KIAA1328: variants seen among roughly 807,000 people sequenced by gnomAD.
The protein encoded by KIAA1328 is protein hinderin.
Under a neutral mutation model 68.1 loss-of-function variants are expected in KIAA1328, and 52 were observed. That is an observed-to-expected ratio of 0.76 (90% CI 0.61 to 0.96). KIAA1328 has a LOEUF of 0.96. Ranked by LOEUF, KIAA1328 falls within the 40% of genes least tolerant of loss-of-function variation. The pLI, the probability that KIAA1328 is intolerant of heterozygous loss-of-function variation, is 0.00. For synonymous variants in KIAA1328, 232 were observed against 239.4 expected (o/e 0.97, Z 0.28); for missense variants, 641 against 677.6 (o/e 0.95, Z 0.60).
chr18:37,016,186 A>T (rs167730), intron 6 of KIAA1328, among the ~76,000 whole-genome samples: 111,380 of 152,046 alleles, frequency 0.73, 43,943 homozygotes, highest in South Asian at 0.89. Flanking sequence ...ATGCCTAGTT[A>T]CTTTAGGGTT....
intron 9 of KIAA1328, among the ~76,000 whole-genome samples, chr18:37,208,022 T>C (rs2060248054): frequency 6.6e-6 from 1 of 152,136 alleles, no homozygotes; most frequent in African/African-American, 2.4e-5. Context: ...TTGGCCAGGC[T>C]GGTCTCGAAC....
At chr18:36,915,615 A>G (rs1197315132) in intron 5 of KIAA1328, among the ~76,000 whole-genome samples, 1 of 152,184 alleles carries the variant, frequency 6.6e-6, no homozygotes, top group Non-Finnish European at 1.5e-5. Flanking sequence ...TGAAAACTAC[A>G]ATGAGATAGT....
At chr18:36,895,657 G>A in intron 5 of KIAA1328, 1 of 431,926 alleles carries the variant, frequency 2.3e-6, no homozygotes, top group Non-Finnish European at 4.7e-6. Flanking sequence ...GTTTGCTTAT[G>A]TATTTATTTG....
intron 7 of KIAA1328, among the ~76,000 whole-genome samples, chr18:37,082,165 GA>G (rs2056969585): frequency 9.2e-6 from 1 of 108,142 alleles, no homozygotes; most frequent in Admixed American, 9.7e-5. Flanking sequence ...CTGCCCCAAG[GA>G]TTTTTTTTTT....
intron 9 of KIAA1328, among the ~76,000 whole-genome samples, chr18:37,197,113 T>C (rs1241559553): frequency 6.6e-6 from 1 of 152,084 alleles, no homozygotes; most frequent in Non-Finnish European, 1.5e-5. Context: ...TATATTTCTG[T>C]GGTGTCAGTT....
At chr18:36,964,672 A>G (rs1259376823) in intron 6 of KIAA1328, among the ~76,000 whole-genome samples, 1 of 152,048 alleles carries the variant, frequency 6.6e-6, no homozygotes, top group Non-Finnish European at 1.5e-5. Context: ...TTTATTCAGC[A>G]TTATAGGTTC....
chr18:37,038,443 T>C (rs970950627), intron 6 of KIAA1328, among the ~76,000 whole-genome samples: 2 of 152,166 alleles, frequency 1.3e-5, no homozygotes, highest in Non-Finnish European at 2.9e-5. Flanking sequence ...AATGTAATTT[T>C]ATTAATTTTA....
chr18:37,146,515 C>A (rs1300347665), intron 7 of KIAA1328, among the ~76,000 whole-genome samples: 1 of 152,110 alleles, frequency 6.6e-6, no homozygotes, highest in Admixed American at 6.5e-5. Context: ...CATGTGTTTG[C>A]TATTTTGCAT....
At chr18:36,915,141 C>T (rs2049636654) in intron 5 of KIAA1328, among the ~76,000 whole-genome samples, 1 of 152,150 alleles carries the variant, frequency 6.6e-6, no homozygotes, top group Non-Finnish European at 1.5e-5. Context: ...GTAAGGCATA[C>T]TGTAACACTA....
At chr18:37,087,747 G>A (rs980491812) in intron 7 of KIAA1328, among the ~76,000 whole-genome samples, 1 of 152,144 alleles carries the variant, frequency 6.6e-6, no homozygotes, top group Admixed American at 6.5e-5. Context: ...ATCTCTTGCA[G>A]GTGTGAGAAT....
intron 6 of KIAA1328, among the ~76,000 whole-genome samples, chr18:37,060,584 G>A (rs1251182106): frequency 6.6e-6 from 1 of 152,128 alleles, no homozygotes; most frequent in East Asian, 1.9e-4. Context: ...AAACTTATTG[G>A]ATTGGCAGTG....
chr18:36,961,678 A>G (rs989698142), intron 6 of KIAA1328, among the ~76,000 whole-genome samples: 32 of 152,316 alleles, frequency 2.1e-4, no homozygotes, highest in African/African-American at 6.5e-4. Context: ...TCTTAAAGAA[A>G]AGAATTTTCA....
chr18:36,925,553 T>C (rs1767619179), intron 5 of KIAA1328, among the ~76,000 whole-genome samples: 1 of 152,134 alleles, frequency 6.6e-6, no homozygotes, highest in South Asian at 2.1e-4. Flanking sequence ...TTTTTTTTTT[T>C]TGAGATGGGA....
At chr18:37,192,962 T>C (rs899283788) in intron 9 of KIAA1328, among the ~76,000 whole-genome samples, 18 of 152,208 alleles carry the variant, frequency 1.2e-4, no homozygotes, top group African/African-American at 4.3e-4. Flanking sequence ...TAAATAATTT[T>C]ATTTTTATAC....
At chr18:36,915,921 A>G (rs970763441) in intron 5 of KIAA1328, among the ~76,000 whole-genome samples, 1 of 152,212 alleles carries the variant, frequency 6.6e-6, no homozygotes, top group Admixed American at 6.5e-5. Context: ...AACAATGAAA[A>G]CAACTCAAAT....
At chr18:37,201,878 G>C (rs896508732) in intron 9 of KIAA1328, among the ~76,000 whole-genome samples, 2 of 152,258 alleles carry the variant, frequency 1.3e-5, no homozygotes, top group Middle Eastern at 3.4e-3. Context: ...GTATTGACAA[G>C]GTACTGGACC....
chr18:37,000,217 C>T (rs2053538337), intron 6 of KIAA1328, among the ~76,000 whole-genome samples: 1 of 152,006 alleles, frequency 6.6e-6, no homozygotes, highest in Non-Finnish European at 1.5e-5. Flanking sequence ...ATACTTGTAT[C>T]AGATAAAACA....
Position 37,017,592 on chromosome 18 carries a change from G to A in KIAA1328, c.577-49298G>A, listed in dbSNP as rs1353585001. ...AGTCCTCCAATACTATTGTGTGACT[G>A]TTTAAGTTTTTTCATAGGTTTAGAA... is the stretch of plus-strand genomic sequence containing the variant. On this transcript the variant is annotated intron_variant, in intron 6 of 9. Transcript: ENST00000280020. Among the ~76,000 whole-genome samples the A allele has an allele frequency of 2.0e-5, 3 of 152,122 alleles. No individual in the cohort carries two copies. The East Asian group carries it at 5.8e-4, about 29-fold the overall frequency.
chr18:37,207,381 G>A (rs776394857), intron 9 of KIAA1328, among the ~76,000 whole-genome samples: 3 of 152,126 alleles, frequency 2.0e-5, no homozygotes, highest in African/African-American at 4.8e-5. Context: ...CATCCCATAA[G>A]TGTTATATAT....
Sources: gnomAD v4.1 joint callset for allele counts (sites outside exome capture counted in the v4.1 genomes callset) on GRCh38, gnomAD v4.1.1 for gene constraint, MANE v1.5 for transcripts, NCBI Gene and HGNC (gene_info 2026-07-23, HGNC 2026-07-21) for gene names.